The following KATNIP variants were observed in gnomAD, a reference collection of about 807,000 sequenced individuals.
KATNIP encodes the protein katanin-interacting protein.
In KATNIP, 126 loss-of-function variants were observed where a neutral mutation model predicts 174.0. The ratio of observed to expected loss-of-function variants is 0.72; its 90% CI spans 0.63 to 0.84. KATNIP has a LOEUF of 0.84. KATNIP is among the 40% of genes least tolerant of loss of function. KATNIP has a pLI of 0.00. For missense variants in KATNIP, 1,958 were observed against 2,109.7 expected, an observed-to-expected ratio of 0.93 and a Z score of 1.41; for synonymous variants, 810 against 835.7, an observed-to-expected ratio of 0.97 and a Z score of 0.53.
chr16:27,741,536 T>C (rs548361243), intron 15 of KATNIP, among the ~76,000 whole-genome samples: 2 of 152,282 alleles, frequency 1.3e-5, no homozygotes, highest in East Asian at 1.9e-4. Context: ...GTGAGGACTT[T>C]GGCAATTTGG....
At chr16:27,613,996 A>G (rs1453369323) in intron 2 of KATNIP, among the ~76,000 whole-genome samples, 1 of 152,036 alleles carries the variant, frequency 6.6e-6, no homozygotes, top group Non-Finnish European at 1.5e-5. Flanking sequence ...AGCTCACTGT[A>G]ACCTTGAACT....
rs1022542688 is a variant in KATNIP at position 27,589,896 on chromosome 16, C to T, written c.63+15940C>T. Among the ~76,000 whole-genome samples the T allele has an allele frequency of 6.6e-5, 10 of 152,054 alleles. No individual in the cohort carries two copies. In the South Asian group the frequency reaches 2.1e-3, roughly 32 times the overall value. On this transcript the variant is annotated intron_variant, in intron 2 of 27. Transcript: ENST00000261588. ...CAACCTTTGCCTCCCTCCTGCCTCACCCTCCCAAGTAGCTGGGATTACAGG... is the reference window on the plus strand; with the variant it reads ...CAACCTTTGCCTCCCTCCTGCCTCATCCTCCCAAGTAGCTGGGATTACAGG...
chr16:27,716,993 G>A (rs1055255656), intron 13 of KATNIP, among the ~76,000 whole-genome samples: 2 of 152,016 alleles, frequency 1.3e-5, no homozygotes, highest in East Asian at 1.9e-4. Context: ...TACGGGCGGC[G>A]CCACCACACC....
intron 8 of KATNIP, among the ~76,000 whole-genome samples, chr16:27,695,306 A>G (rs1338401026): frequency 6.6e-6 from 1 of 152,226 alleles, no homozygotes; most frequent in Non-Finnish European, 1.5e-5. Context: ...TGGGCCCTAC[A>G]GTGCCCTGCA....
At chr16:27,704,122 G>GCCCCCCCCCC (rs535809357) in intron 12 of KATNIP, 124 bp downstream of exon 12, 5 of 662,456 alleles carry the variant, frequency 7.5e-6, no homozygotes, top group African/African-American at 3.7e-5. Context: ...TGTTTCCACC[G>GCCCCCCCCCC]CCCCCCCCCT....
chr16:27,609,695 A>ATT (rs34407543), intron 2 of KATNIP, among the ~76,000 whole-genome samples: 2,587 of 131,062 alleles, frequency 0.02, 57 homozygotes, highest in African/African-American at 0.045. Context: ...CTGCCAAGTC[A>ATT]TTTTTTTTTT....
chr16:27,611,886 T>C (rs1386312402), intron 2 of KATNIP, among the ~76,000 whole-genome samples: 1 of 152,184 alleles, frequency 6.6e-6, no homozygotes. Context: ...AATTTAATAC[T>C]AATTGCAGGC....
intron 14 of KATNIP, 144 bp from the exon 15 acceptor site, chr16:27,739,897 A>C: frequency 1.2e-6 from 1 of 809,962 alleles, no homozygotes; most frequent in Non-Finnish European, 1.9e-6. Flanking sequence ...GCCTAGTTTC[A>C]CACCCCCAGC....
At chr16:27,629,036 C>T (rs1206792749) in intron 4 of KATNIP, among the ~76,000 whole-genome samples, 1 of 151,944 alleles carries the variant, frequency 6.6e-6, no homozygotes, top group Non-Finnish European at 1.5e-5. Flanking sequence ...GGCATGATGG[C>T]ATGCACCTGT....
At chr16:27,611,966 G>A (rs1207244884) in intron 2 of KATNIP, among the ~76,000 whole-genome samples, 42 of 152,308 alleles carry the variant, frequency 2.8e-4, no homozygotes, top group Admixed American at 2.4e-3. Flanking sequence ...TTTGGGAACC[G>A]AGCTGGCCCT....
chr16:27,620,422 C>G (rs2076159652), intron 3 of KATNIP, among the ~76,000 whole-genome samples: 1 of 152,182 alleles, frequency 6.6e-6, no homozygotes, highest in Non-Finnish European at 1.5e-5. Context: ...AGTAACTGCA[C>G]CCATTTTACA....
At chr16:27,635,053 G>A (rs1202153796) in intron 5 of KATNIP, among the ~76,000 whole-genome samples, 2 of 152,132 alleles carry the variant, frequency 1.3e-5, no homozygotes, top group Non-Finnish European at 2.9e-5. Context: ...CGCAGATCCC[G>A]TTCTTCTGTG....
intron 15 of KATNIP, among the ~76,000 whole-genome samples, chr16:27,747,689 A>G (rs1447511996): frequency 7.4e-6 from 1 of 135,910 alleles, no homozygotes; most frequent in Middle Eastern, 3.4e-3. Flanking sequence ...TGGAAGGGGA[A>G]GTGGAGTTTG....
At chr16:27,732,288 A>G (rs534247708) in intron 14 of KATNIP, among the ~76,000 whole-genome samples, 1 of 152,286 alleles carries the variant, frequency 6.6e-6, no homozygotes, top group East Asian at 1.9e-4. Context: ...GTGTCTTACC[A>G]TCTTCTTCTG....
chr16:27,551,775 G>C (rs771584357), intron 1 of KATNIP, among the ~76,000 whole-genome samples: 30 of 152,030 alleles, frequency 2.0e-4, no homozygotes, highest in Non-Finnish European at 3.7e-4. Context: ...TACTTGGAAG[G>C]CTGAGGCAGG....
intron 18 of KATNIP, among the ~76,000 whole-genome samples, chr16:27,755,952 G>A (rs577821178): frequency 1.3e-5 from 2 of 152,306 alleles, no homozygotes; most frequent in South Asian, 4.1e-4. Context: ...TTTTTGCAAG[G>A]AGACTCTCTT....
At chr16:27,562,633 G>T (rs2089928141) in intron 1 of KATNIP, among the ~76,000 whole-genome samples, 1 of 152,236 alleles carries the variant, frequency 6.6e-6, no homozygotes, top group Admixed American at 6.5e-5. Flanking sequence ...ACACTATGGG[G>T]AACTGGAATG....
intron 14 of KATNIP, among the ~76,000 whole-genome samples, chr16:27,733,302 T>C (rs2080764990): frequency 6.6e-6 from 1 of 152,126 alleles, no homozygotes; most frequent in Admixed American, 6.6e-5. Flanking sequence ...ATTAATCACT[T>C]AGATTGAAAT....
chr16:27,645,120 A>G (rs2076920008), intron 5 of KATNIP, among the ~76,000 whole-genome samples: 1 of 152,206 alleles, frequency 6.6e-6, no homozygotes, highest in South Asian at 2.1e-4. Flanking sequence ...GTTCACTACC[A>G]GAGGACATGG....
Sources: gnomAD v4.1 joint callset for allele counts (sites outside exome capture counted in the v4.1 genomes callset) on GRCh38, gnomAD v4.1.1 for gene constraint, MANE v1.5 for transcripts, NCBI Gene and HGNC (gene_info 2026-07-23, HGNC 2026-07-21) for gene names.